NMT1: variants seen among roughly 807,000 people sequenced by gnomAD.
The protein encoded by NMT1 is glycylpeptide N-tetradecanoyltransferase 1.
A neutral mutation model predicts 63.4 loss-of-function variants in NMT1; 12 were observed. That is an observed-to-expected ratio of 0.19 (90% CI 0.12 to 0.31). The LOEUF is 0.31. Ranked by LOEUF, NMT1 falls within the 10% of genes least tolerant of loss-of-function variation. NMT1 has a pLI of 1.00. For missense variants in NMT1, 432 were observed against 634.6 expected (o/e 0.68, Z 3.43); for synonymous variants, 228 against 234.3 (o/e 0.97, Z 0.25).
At chr17:45,100,862 C>CAAAAAAAAAAAAAAAA (rs71136069) in intron 8 of NMT1, among the ~76,000 whole-genome samples, 1 of 32,592 alleles carries the variant, frequency 3.1e-5, no homozygotes, top group Non-Finnish European at 5.0e-5. Flanking sequence ...GACTCCGTCT[C>CAAAAAAAAAAAAAAAA]AAAAAAAAAA....
chr17:45,080,790 G>A (rs924776881), intron 1 of NMT1, among the ~76,000 whole-genome samples: 8 of 148,238 alleles, frequency 5.4e-5, no homozygotes, highest in Non-Finnish European at 1.2e-4. Context: ...TTTTTGAGAC[G>A]AGGTCTGTCT....
chr17:45,091,361 C>T (rs561222494), intron 3 of NMT1, among the ~76,000 whole-genome samples: 2 of 152,248 alleles, frequency 1.3e-5, no homozygotes, highest in Non-Finnish European at 2.9e-5. Flanking sequence ...TCGCCAGCCC[C>T]TGCCACAGAA....
intron 8 of NMT1, 43 bp from the exon 9 acceptor site, chr17:45,102,908 G>A (rs1449835270): frequency 1.3e-6 from 2 of 1,564,986 alleles, no homozygotes; most frequent in African/African-American, 2.7e-5. Context: ...TAGATCCAGG[G>A]TGATCAGCTC....
At chr17:45,100,646 G>C (rs1432209941) in intron 8 of NMT1, among the ~76,000 whole-genome samples, 1 of 150,740 alleles carries the variant, frequency 6.6e-6, no homozygotes, top group African/African-American at 2.4e-5. Flanking sequence ...CGGATCACGA[G>C]GTCAGGAGAT....
In NMT1 at chr17:45,103,021, G is replaced by T. The variant is rs757647993; in HGVS notation, c.1064G>T (p.Arg355Met). The change falls in exon 9 of 12, where the codon AGG becomes ATG. Residue 355 changes from arginine (R) to methionine (M), a missense_variant. Around this residue, in one of 4 missense-constraint regions of NMT1, gnomAD observed 295 missense variants for 489.7 expected, o/e 0.60. Coordinates refer to ENST00000258960, the MANE Select transcript of NMT1 (RefSeq NM_021079.5). The surrounding 1 kb of genome is among the most constrained non-coding windows in gnomAD (Gnocchi z 4.8). ...CCAGTAGTGCACCAGCTCCTCACCA[G>T]GTACTTGAAGCAATTTCACCTTACG... Reference protein sequence around the residue: ...DIPVVHQLLTRYLKQFHLTPV... With the variant: ...DIPVVHQLLTMYLKQFHLTPV... 10 of 1,613,962 alleles carry T rather than the reference G, an allele frequency of 6.2e-6. No homozygotes were observed. Among genetic ancestry groups the T allele is most frequent in the Middle Eastern group, 1.6e-4 (1 of 6,082 alleles).
intron 1 of NMT1, among the ~76,000 whole-genome samples, chr17:45,074,509 G>A (rs1386091881): frequency 6.6e-6 from 1 of 152,142 alleles, no homozygotes; most frequent in East Asian, 1.9e-4. Flanking sequence ...GTGAGCCATC[G>A]TGCCCGGCCG....
chr17:45,096,147 T>A (rs1358028347), intron 4 of NMT1, 47 bp from the exon 5 acceptor site: 1 of 1,446,090 alleles, frequency 6.9e-7, no homozygotes, highest in African/African-American at 1.4e-5. Context: ...GGAGTTGGTC[T>A]ACTACCTGGC....
intron 3 of NMT1, among the ~76,000 whole-genome samples, chr17:45,088,521 G>A (rs866567789): frequency 1.3e-5 from 2 of 152,206 alleles, no homozygotes; most frequent in Non-Finnish European, 2.9e-5. Context: ...TTGGGAGGTC[G>A]AGGCAGGCGG....
chr17:45,106,518 C>G lies in NMT1; in HGVS notation c.*879C>G, dbSNP rs1376926156. ...TGCTTTTCCACTGCCTGGGATGATGCAGTTTGAAGAGGCCCTTGGACCTCC... is the reference window on the plus strand; with the variant it reads ...TGCTTTTCCACTGCCTGGGATGATGGAGTTTGAAGAGGCCCTTGGACCTCC... On this transcript the variant is annotated 3_prime_UTR_variant, in exon 12 of 12. Coordinates refer to ENST00000258960, the MANE Select transcript of NMT1 (RefSeq NM_021079.5). 6.5e-6 allele frequency: 1 copy of G among 152,678 alleles called. No homozygotes were observed. The highest frequency in any genetic ancestry group is 1.5e-5 in the Non-Finnish European group (1 of 68,094). 9.5% of individuals were successfully genotyped at this position (152,678 alleles called of 1,614,324 possible). A position where few individuals can be genotyped will look rare whatever the true frequency, so the allele number is the denominator to read the frequency against.
chr17:45,079,450 C>T (rs149116387), intron 1 of NMT1, among the ~76,000 whole-genome samples: 1,546 of 152,280 alleles, frequency 0.01, 32 homozygotes, highest in African/African-American at 0.036. Flanking sequence ...GTGGCTCACA[C>T]CTGTAATCCC....
At chr17:45,098,821 C>G (rs960017469) in intron 7 of NMT1, 1 of 410,604 alleles carries the variant, frequency 2.4e-6, no homozygotes, top group Admixed American at 3.8e-5. Context: ...GGGGGCGGTA[C>G]TGGTGGTTTG....
intron 1 of NMT1, among the ~76,000 whole-genome samples, chr17:45,072,566 A>G (rs1212889843): frequency 7.1e-6 from 1 of 140,708 alleles, no homozygotes; most frequent in Non-Finnish European, 1.5e-5. Flanking sequence ...CACCTGGCCT[A>G]TTTTTTTTTT....
chr17:45,061,977 C>T (rs191972383), intron 1 of NMT1: 3 of 152,574 alleles, frequency 2.0e-5, no homozygotes, highest in African/African-American at 7.2e-5. Context: ...ACCTTATAAA[C>T]CTATGTAATT....
At chr17:45,096,004 A>G (rs1306486621) in intron 4 of NMT1, among the ~76,000 whole-genome samples, 190 bp from the exon 5 acceptor site, 1 of 152,174 alleles carries the variant, frequency 6.6e-6, no homozygotes, top group East Asian at 1.9e-4. Flanking sequence ...GTGATGGCTC[A>G]GTTTTCTACT....
intron 1 of NMT1, among the ~76,000 whole-genome samples, chr17:45,070,608 G>A (rs2053933695): frequency 6.6e-6 from 1 of 152,046 alleles, no homozygotes; most frequent in Non-Finnish European, 1.5e-5. Flanking sequence ...TAGTAGAGAC[G>A]GGGTTTCACC....
chr17:45,078,244 G>C (rs918764858), intron 1 of NMT1, among the ~76,000 whole-genome samples: 1 of 151,424 alleles, frequency 6.6e-6, no homozygotes, highest in Non-Finnish European at 1.5e-5. Context: ...TTCAAGCATG[G>C]GGGGGACACA....
chr17:45,077,812 A>T (rs1174602378), intron 1 of NMT1, among the ~76,000 whole-genome samples: 1 of 152,216 alleles, frequency 6.6e-6, no homozygotes, highest in Non-Finnish European at 1.5e-5. Context: ...CAATAACAAA[A>T]TTGAGTTACT....
chr17:45,061,412 A>G lies in NMT1; in HGVS notation c.83A>G (p.Glu28Gly). ...QMMEGNGNGH[E>G]HCSDCENEED... ...ATGGAAGGGAACGGGAACGGCCATG[A>G]GCACTGCAGCGATTGCGAGAATGAG... Residue 28 changes from glutamate to glycine, a missense_variant, in exon 1 of 12, where the codon GAG (glutamate) becomes GGG (glycine). Glu to Gly is a moderately conservative substitution (Grantham distance 98). Coordinates refer to ENST00000258960, the MANE Select transcript of NMT1 (RefSeq NM_021079.5). 6.2e-7 allele frequency: 1 copy of G among 1,613,958 alleles called. No homozygotes were observed. Among genetic ancestry groups the G allele is most frequent in the African/African-American group, 1.3e-5 (1 of 75,048 alleles).
chr17:45,061,696 G>T, intron 1 of NMT1: 1 of 439,768 alleles, frequency 2.3e-6, no homozygotes, highest in Admixed American at 4.1e-5. Context: ...TCTATGCAGT[G>T]TTCCACTCGT....
Sources: allele counts gnomAD v4.1 joint callset (sites outside exome capture counted in the v4.1 genomes callset), GRCh38; gene constraint gnomAD v4.1.1; regional missense constraint gnomAD v4.1.1; non-coding constraint Gnocchi (gnomAD v3.1); transcripts MANE v1.5; gene names NCBI Gene and HGNC (gene_info 2026-07-23, HGNC 2026-07-21).